The following SPNS3 variants were observed in gnomAD, a reference collection of about 807,000 sequenced individuals.
SPNS3 encodes the protein protein spinster homolog 3.
Under a neutral mutation model 54.4 loss-of-function variants are expected in SPNS3, and 51 were observed. That is an observed-to-expected ratio of 0.94 (90% CI 0.75 to 1.18). The LOEUF is 1.18. SPNS3 is among the 50% of genes most tolerant of loss of function. The pLI is 0.00. For synonymous variants in SPNS3, 309 were observed against 294.7 expected (o/e 1.05, Z -0.50); for missense variants, 669 against 677.4 (o/e 0.99, Z 0.14).
rs1170234642 is a variant in SPNS3 at position 4,453,069 on chromosome 17, G to A, written c.977G>A (p.Gly326Glu). ...IMTGVIGVIL[G>E]AEAARRYKKV... ...ACCGGCGTCATTGGGGTCATCTTGG[G>A]GGCAGAAGCTGCGAGGAGGTACAAG... Residue 326 changes from glycine to glutamate, a missense_variant, in exon 8 of 12, where the codon GGG becomes GAG. By Grantham distance (98) the Gly-to-Glu change is moderately conservative (BLOSUM62 -2). Transcript: ENST00000355530. The A allele has an allele frequency of 6.2e-7, 1 of 1,614,054 alleles. No homozygotes were observed. Among genetic ancestry groups the A allele is most frequent in the Non-Finnish European group, 8.5e-7 (1 of 1,179,966 alleles).
chr17:4,451,309 T>C (rs1465987504), intron 7 of SPNS3, among the ~76,000 whole-genome samples: 1 of 151,292 alleles, frequency 6.6e-6, no homozygotes, highest in Admixed American at 6.6e-5. Context: ...TGGAGTGCAG[T>C]AGCACGATCT....
intron 8 of SPNS3, among the ~76,000 whole-genome samples, chr17:4,467,165 G>A (rs926113704): frequency 6.6e-6 from 1 of 152,070 alleles, no homozygotes; most frequent in African/African-American, 2.4e-5. Flanking sequence ...CACGGTGATG[G>A]GGGAGTGAGG....
intron 4 of SPNS3, 47 bp from the exon 5 acceptor site, chr17:4,446,849 C>T: frequency 6.3e-7 from 1 of 1,583,630 alleles, no homozygotes; most frequent in Non-Finnish European, 8.7e-7. Context: ...GGTCTGCCTT[C>T]CGCCTCCCTC....
intron 2 of SPNS3, among the ~76,000 whole-genome samples, chr17:4,441,689 T>C (rs965118543): frequency 6.6e-6 from 1 of 151,890 alleles, no homozygotes; most frequent in Non-Finnish European, 1.5e-5. Context: ...CTCTGACTCC[T>C]GGGTTCAAGT....
At chr17:4,454,850 C>T (rs1971262237) in intron 8 of SPNS3, among the ~76,000 whole-genome samples, 1 of 151,682 alleles carries the variant, frequency 6.6e-6, no homozygotes, top group Admixed American at 6.6e-5. Context: ...GTCTTGAACT[C>T]CTGACCTCGT....
chr17:4,470,563 G>T (rs1280545198), intron 8 of SPNS3, among the ~76,000 whole-genome samples: 2 of 152,046 alleles, frequency 1.3e-5, no homozygotes, highest in Non-Finnish European at 2.9e-5. Flanking sequence ...ACCCCAAAAA[G>T]AAATTTCATG....
intron 6 of SPNS3, among the ~76,000 whole-genome samples, chr17:4,448,938 G>T (rs1029562825): frequency 8.4e-4 from 128 of 152,238 alleles, no homozygotes; most frequent in African/African-American, 3.0e-3. Flanking sequence ...AGAGAGGAGG[G>T]AGGAGGAGGC....
chr17:4,441,233 G>A (rs943239509), intron 2 of SPNS3, among the ~76,000 whole-genome samples: 7 of 152,156 alleles, frequency 4.6e-5, no homozygotes, highest in Admixed American at 1.3e-4. Context: ...CTTTAAGAGT[G>A]ACATGAGAGC....
At chr17:4,461,361 CTTTTTTTTTT>C (rs55928003) in intron 8 of SPNS3, among the ~76,000 whole-genome samples, 8 of 33,416 alleles carry the variant, frequency 2.4e-4, no homozygotes, top group African/African-American at 6.9e-4. Context: ...CTTTTCTTTT[CTTTTTTTTTT>C]TTTTTTTTTT....
At chr17:4,435,469 AAAT>A (rs1970692285) in intron 1 of SPNS3, among the ~76,000 whole-genome samples, 1 of 149,566 alleles carries the variant, frequency 6.7e-6, no homozygotes, top group Non-Finnish European at 1.5e-5. Context: ...AATAAAAAAT[AAAT>A]AAATAAATAA....
chr17:4,453,285 G>T lies in SPNS3; in HGVS notation c.1113+80G>T. 3.0e-6 allele frequency: 4 copies of T among 1,337,736 alleles called. No homozygotes were observed. In the South Asian group the frequency reaches 5.3e-5, roughly 18 times the overall value. The allele number at this position is 1,337,736 out of a possible 1,614,324, so 82.9% of individuals were successfully genotyped here. A position where few individuals can be genotyped will look rare whatever the true frequency, so the allele number is the denominator to read the frequency against. ...GTTTCCACAGGCTCATGCTGCGCCC[G>T]GCCTTTATGTACAATTATGTTGATC... On this transcript the variant is annotated intron_variant, in intron 8 of 11. Coordinates refer to ENST00000355530, the MANE Select transcript of SPNS3 (RefSeq NM_182538.5).
intron 1 of SPNS3, among the ~76,000 whole-genome samples, chr17:4,435,214 G>C (rs1970682497): frequency 6.6e-6 from 1 of 151,996 alleles, no homozygotes; most frequent in African/African-American, 2.4e-5. Flanking sequence ...CTTGAAGTGA[G>C]GACTTTGTGA....
intron 8 of SPNS3, among the ~76,000 whole-genome samples, chr17:4,458,383 C>G (rs1971372167): frequency 9.0e-6 from 1 of 111,580 alleles, no homozygotes; most frequent in Admixed American, 9.8e-5. Context: ...CCCTCCCTTT[C>G]TTTCTTCTTT....
rs918402314 is a variant in SPNS3, at chr17:4,439,727, A to G, written c.265+4A>G. The G allele has an allele frequency of 6.2e-7, 1 of 1,611,450 alleles. No homozygotes were observed. Among genetic ancestry groups the G allele is most frequent in the African/African-American group, 1.3e-5 (1 of 75,026 alleles). On this transcript the variant is annotated splice_donor_region_variant and intron_variant, in intron 2 of 11. Coordinates refer to ENST00000355530, the MANE Select transcript of SPNS3 (RefSeq NM_182538.5). ...CATGCTGGTTTGCTTCAGACTGGTA[A>G]GGAGGAGCCCTGGCTCTGGAGCCGG...
At chr17:4,477,663 C>A (rs1171419964) in intron 8 of SPNS3, among the ~76,000 whole-genome samples, 2 of 152,180 alleles carry the variant, frequency 1.3e-5, no homozygotes. Context: ...GGAAGCCTCA[C>A]ATTCCAAGCA....
In SPNS3 at chr17:4,453,037, C is replaced by T. The variant is rs1036520129; in HGVS notation, c.945C>T (p.Thr315=). The part of the protein sequence containing the change: ...NPDSLIFGAL[T]IMTGVIGVIL... ...TCAGCCTGATTTTTGGGGCACTGAC[C>T]ATCATGACCGGCGTCATTGGGGTCA... The change falls in exon 8 of 12, where the codon ACC becomes ACT. Residue 315 remains threonine (T), a synonymous_variant. Coordinates refer to ENST00000355530, the MANE Select transcript of SPNS3 (RefSeq NM_182538.5). 3.7e-6 allele frequency: 6 copies of T among 1,613,696 alleles called. No homozygotes were observed. The African/African-American group carries it at 4.0e-5, about 11-fold the overall frequency.
intron 8 of SPNS3, among the ~76,000 whole-genome samples, chr17:4,458,457 CTTT>C: frequency 2.7e-5 from 2 of 74,628 alleles, no homozygotes; most frequent in Non-Finnish European, 7.7e-5. Flanking sequence ...CTTCTTTCTT[CTTT>C]CTTTCTTTCC....
At chr17:4,451,026 C>T (rs1268967557) in intron 7 of SPNS3, among the ~76,000 whole-genome samples, 1 of 152,070 alleles carries the variant, frequency 6.6e-6, no homozygotes, top group Non-Finnish European at 1.5e-5. Flanking sequence ...CTGGCTGCCC[C>T]TCCTGCTTAG....
intron 8 of SPNS3, among the ~76,000 whole-genome samples, chr17:4,469,367 G>A (rs930567748): frequency 1.3e-5 from 2 of 152,192 alleles, no homozygotes; most frequent in Non-Finnish European, 2.9e-5. Flanking sequence ...GATTACAGGC[G>A]TGAGCCACTG....
Sources: allele counts gnomAD v4.1 joint callset (sites outside exome capture counted in the v4.1 genomes callset), GRCh38; gene constraint gnomAD v4.1.1; transcripts MANE v1.5; gene names NCBI Gene and HGNC (gene_info 2026-07-23, HGNC 2026-07-21).